TOM1: variants seen among roughly 807,000 people sequenced by gnomAD.
The protein encoded by TOM1 is target of Myb protein 1.
A neutral mutation model predicts 61.3 loss-of-function variants in TOM1; 38 were observed. That is an observed-to-expected ratio of 0.62 (90% CI 0.48 to 0.81). The LOEUF (loss-of-function observed/expected upper bound fraction) is 0.81, where lower values mean the gene tolerates loss of function less well. TOM1 is among the 40% of genes least tolerant of loss of function. The pLI, the probability that TOM1 is intolerant of heterozygous loss-of-function variation, is 0.00. For missense variants in TOM1, 591 were observed against 659.6 expected (o/e 0.90, Z 1.14); for synonymous variants, 270 against 268.8 (o/e 1.00, Z -0.04).
At position 35,323,057 on chromosome 22, in the gene TOM1, G is replaced by A; in HGVS notation, c.246G>A (p.Gly82=). 1.2e-6 allele frequency: 2 copies of A among 1,614,130 alleles called. No individual in the cohort carries two copies. The highest frequency in any genetic ancestry group is 1.1e-5 in the South Asian group (1 of 91,082). The change falls in exon 4 of 15, where the codon GGG becomes GGA. Residue 82 remains glycine, a synonymous_variant. Transcript: ENST00000449058. This position sits in a 1 kb window ranked among gnomAD's most constrained non-coding sequence, Gnocchi z 4.2. ...TAGAAACCTGTGTCAAGAACTGCGG[G>A]CACCGCTTCCACGTGCTGGTGGCCA... The part of the protein sequence containing the change: ...TVLETCVKNC[G]HRFHVLVASQ...
chr22:35,302,701 C>T (rs1925948294), intron 1 of TOM1, among the ~76,000 whole-genome samples: 1 of 152,132 alleles, frequency 6.6e-6, no homozygotes, highest in African/African-American at 2.4e-5. Flanking sequence ...TCATTTTACA[C>T]TGGCGGAGAC....
In TOM1 at chr22:35,338,739, C is replaced by T. The variant is rs1421272046; in HGVS notation, c.1175C>T (p.Thr392Ile). ...GTAAAATACGAAGCCCCCCAAGCAA[C>T]AGACGGCCTGGCTGGAGCCCTGGAC... is the stretch of plus-strand genomic sequence containing the variant. Reference protein sequence around the residue: ...KEVKYEAPQATDGLAGALDAR... With the variant: ...KEVKYEAPQAIDGLAGALDAR... Residue 392 changes from threonine (T) to isoleucine (I), a missense_variant, in exon 12 of 15, where the codon ACA becomes ATA. Transcript: ENST00000449058. The T allele has an allele frequency of 2.5e-6, 4 of 1,598,626 alleles. No homozygotes were observed. Among genetic ancestry groups the T allele is most frequent in the Admixed American group, 1.7e-5 (1 of 57,576 alleles).
chr22:35,332,526 G>A (rs1274403762), intron 8 of TOM1, among the ~76,000 whole-genome samples: 3 of 151,990 alleles, frequency 2.0e-5, no homozygotes, highest in Admixed American at 1.3e-4. Context: ...CCCCTAAGTA[G>A]CTCCATAAAA....
chr22:35,308,236 C>CTG (rs1250979282), intron 1 of TOM1, among the ~76,000 whole-genome samples: 1 of 148,164 alleles, frequency 6.7e-6, no homozygotes, highest in Non-Finnish European at 1.5e-5. Flanking sequence ...GTGTGTCTGT[C>CTG]TCTCTCTCTC....
upstream of TOM1, chr22:35,299,658 T>TA: frequency 6.0e-6 from 3 of 502,594 alleles, no homozygotes; most frequent in Admixed American, 7.1e-5. Context: ...GGGCGTGGCT[T>TA]AAAGAGGACC....
intron 1 of TOM1, among the ~76,000 whole-genome samples, chr22:35,305,533 G>A (rs1423384345): frequency 5.3e-5 from 8 of 152,128 alleles, no homozygotes; most frequent in African/African-American, 1.4e-4. Context: ...GGTGGCACAC[G>A]CCTGTAGTCC....
chr22:35,333,882 C>T (rs1438460626), intron 10 of TOM1, among the ~76,000 whole-genome samples: 3 of 152,166 alleles, frequency 2.0e-5, no homozygotes, highest in African/African-American at 7.2e-5. Flanking sequence ...GCCCAGGTTG[C>T]ACTCTGGCTG....
At chr22:35,333,039 A>C in intron 9 of TOM1, 25 bp downstream of exon 9, 2 of 1,613,462 alleles carry the variant, frequency 1.2e-6, no homozygotes, top group Non-Finnish European at 1.7e-6. Context: ...TTCTGTGACT[A>C]GATCAGGCCC....
intron 2 of TOM1, among the ~76,000 whole-genome samples, chr22:35,321,118 G>A (rs1360589313): frequency 6.6e-6 from 1 of 152,084 alleles, no homozygotes; most frequent in African/African-American, 2.4e-5. Context: ...GGGAGGCCGA[G>A]GTGGGAGAAT....
chr22:35,339,642 C>G (rs1381115983), intron 12 of TOM1, among the ~76,000 whole-genome samples: 2 of 152,078 alleles, frequency 1.3e-5, no homozygotes, highest in Non-Finnish European at 2.9e-5. Context: ...CAGTGGCTCA[C>G]GCCTGTAATC....
chr22:35,337,964 C>T (rs1215015500), intron 11 of TOM1, among the ~76,000 whole-genome samples: 2 of 152,224 alleles, frequency 1.3e-5, no homozygotes, highest in Non-Finnish European at 2.9e-5. Flanking sequence ...GCCTCTCCTC[C>T]TTAGCCAGCT....
chr22:35,343,806 A>T (rs1351265733), intron 12 of TOM1, among the ~76,000 whole-genome samples: 2 of 142,868 alleles, frequency 1.4e-5, no homozygotes, highest in Non-Finnish European at 3.0e-5. Context: ...ACCTACCCAC[A>T]CCTACACCTA....
intron 2 of TOM1, among the ~76,000 whole-genome samples, chr22:35,321,418 A>G (rs947474454): frequency 2.6e-5 from 4 of 151,736 alleles, no homozygotes; most frequent in Non-Finnish European, 5.9e-5. Flanking sequence ...CAGTGGCGCA[A>G]TCTCGGCTCT....
chr22:35,328,281 G>C (rs1371226492), intron 7 of TOM1, among the ~76,000 whole-genome samples: 1 of 152,208 alleles, frequency 6.6e-6, no homozygotes, highest in Non-Finnish European at 1.5e-5. Context: ...GACTGCGCAG[G>C]CAGCCTCGCA....
intron 1 of TOM1, among the ~76,000 whole-genome samples, chr22:35,303,263 C>T (rs1226646771): frequency 1.3e-5 from 2 of 152,056 alleles, no homozygotes; most frequent in African/African-American, 4.8e-5. Flanking sequence ...CTGAGGCTTG[C>T]CCCAAGCCCG....
intron 6 of TOM1, 147 bp from the exon 7 acceptor site, chr22:35,327,124 G>T (rs1928391496): frequency 1.4e-6 from 1 of 721,854 alleles, no homozygotes; most frequent in Non-Finnish European, 2.4e-6. Flanking sequence ...CACTTTGGGA[G>T]CCAGGAGGGA....
chr22:35,316,656 C>T (rs957558717), intron 1 of TOM1, among the ~76,000 whole-genome samples: 1 of 152,208 alleles, frequency 6.6e-6, no homozygotes, highest in Non-Finnish European at 1.5e-5. Flanking sequence ...CTAGGAACTG[C>T]CACAAAGTGA....
rs1487841867 is a variant in TOM1 at position 35,323,846 on chromosome 22, C to T, written c.580C>T (p.His194Tyr). The change falls in exon 6 of 15, where the codon CAT becomes TAT. Residue 194 changes from histidine to tyrosine, a missense_variant. Physicochemically the swap from His to Tyr is moderately conservative, Grantham distance 83. Transcript: ENST00000449058. The surrounding 1 kb of genome is among the most constrained non-coding windows in gnomAD (Gnocchi z 4.2). ...DSSQQEDSGQ[H>Y]AAPLPAPPIL... ...CAGCCAGCAAGAGGACTCTGGCCAG[C>T]ATGCTGCCCCTCTGCCCGCCCCGCC... 1.2e-6 allele frequency: 2 copies of T among 1,612,372 alleles called. No homozygotes were observed. The highest frequency in any genetic ancestry group is 3.3e-5 in the Admixed American group (2 of 59,774).
chr22:35,347,197 G>A lies in TOM1; in HGVS notation c.1467G>A (p.Leu489=). ...CCCAGGAGAAAGATGATGACATGCT[G>A]TTTGCCTTATGAGTGTGGGGTCTGG... ...KKTQEKDDDM[L]FAL The change falls in exon 15 of 15, where the codon CTG becomes CTA. Residue 489 remains leucine, a synonymous_variant. Coordinates refer to ENST00000449058, the MANE Select transcript of TOM1 (RefSeq NM_005488.3). The A allele has an allele frequency of 6.2e-7, 1 of 1,610,432 alleles. No homozygotes were observed. The highest frequency in any genetic ancestry group is 8.5e-7 in the Non-Finnish European group (1 of 1,178,036).
Sources: gnomAD v4.1 joint callset for allele counts (sites outside exome capture counted in the v4.1 genomes callset) on GRCh38, gnomAD v4.1.1 for gene constraint, Gnocchi (gnomAD v3.1) non-coding constraint, MANE v1.5 for transcripts, NCBI Gene and HGNC (gene_info 2026-07-23, HGNC 2026-07-21) for gene names.